CBFB: variants seen among roughly 807,000 people sequenced by gnomAD.
CBFB encodes the protein CBF-beta.
A neutral mutation model predicts 30.4 loss-of-function variants in CBFB; 9 were observed. That is an observed-to-expected ratio of 0.30 (90% CI 0.18 to 0.52). CBFB has a LOEUF of 0.52. Among genes scored for constraint, CBFB ranks in the 20% least tolerant of loss-of-function variants. The pLI, the probability that CBFB is intolerant of heterozygous loss-of-function variation, is 0.97. For synonymous variants in CBFB, 94 were observed against 84.0 expected (o/e 1.12, Z -0.65); for missense variants, 170 against 244.0 (o/e 0.70, Z 2.02).
chr16:67,029,493 AGGCG>A lies in CBFB; in HGVS notation c.78+18_78+21del, dbSNP rs753240731. On this transcript the variant is annotated intron_variant, in intron 1 of 5. Transcript: ENST00000412916. ...CTGAGCCGCGAGTGTGAGGTGAGGC[AGGCG>A]GGCGGGCGGCTAGGAGGCCGCAGCG... The A allele has an allele frequency of 7.6e-6, 12 of 1,583,910 alleles. No individual in the cohort carries two copies. In the Admixed American group the frequency reaches 1.1e-4, roughly 14 times the overall value.
At chr16:67,069,042 C>T (rs1169677941) in intron 4 of CBFB, among the ~76,000 whole-genome samples, 8 of 152,104 alleles carry the variant, frequency 5.3e-5, no homozygotes, top group Admixed American at 2.6e-4. Flanking sequence ...TGGTGAAACC[C>T]CATCTCTACT....
At chr16:67,085,038 ATATTAT>A (rs202027616) in intron 5 of CBFB, among the ~76,000 whole-genome samples, 154 of 150,310 alleles carry the variant, frequency 1.0e-3, no homozygotes, top group Non-Finnish European at 1.5e-3. Context: ...ATTATTGTTA[ATATTAT>A]TTAAAGTATT....
intron 4 of CBFB, among the ~76,000 whole-genome samples, chr16:67,078,709 T>G (rs1961473743): frequency 6.6e-6 from 1 of 152,194 alleles, no homozygotes. Flanking sequence ...AGTGCAATGG[T>G]GTGATCTTGG....
At chr16:67,039,636 T>C (rs778774425) in intron 3 of CBFB, among the ~76,000 whole-genome samples, 6 of 150,790 alleles carry the variant, frequency 4.0e-5, no homozygotes, top group Non-Finnish European at 7.3e-5. Flanking sequence ...TAAAAAGATA[T>C]GTTTTTAATT....
At position 67,096,702 on chromosome 16, in the gene CBFB, C is replaced by T. The variant is rs950130524; in HGVS notation, c.496-2008C>T. 5.3e-5 allele frequency among the ~76,000 whole-genome samples: 8 copies of T among 151,322 alleles called. No homozygotes were observed. The East Asian group carries it at 5.9e-4, about 11-fold the overall frequency. ...TATAACAATACATCTGGGCCGGGCG[C>T]GGTGGCTCACTCCTGTAATCCCAGC... On this transcript the variant is annotated intron_variant, in intron 5 of 5. Transcript: ENST00000412916.
chr16:67,085,527 C>T (rs1961701200), intron 5 of CBFB, among the ~76,000 whole-genome samples: 1 of 148,792 alleles, frequency 6.7e-6, no homozygotes, highest in Non-Finnish European at 1.5e-5. Flanking sequence ...TGGGGTCTCA[C>T]TCTGTTGCCC....
chr16:67,070,917 T>C (rs1961205298), intron 4 of CBFB, among the ~76,000 whole-genome samples: 1 of 152,216 alleles, frequency 6.6e-6, no homozygotes, highest in African/African-American at 2.4e-5. Flanking sequence ...TTTTAACATT[T>C]TTTATACTTG....
rs71145959 is a variant in CBFB, at chr16:67,095,210, CAAAAAAAAAAAAA to C, written c.496-3486_496-3474del. Among the ~76,000 whole-genome samples the C allele has an allele frequency of 1.1e-4, 3 of 27,096 alleles. No homozygotes were observed. The Admixed American group carries it at 1.5e-3, about 14-fold the overall frequency. The allele number at this position is 27,096 out of a possible 152,430, so 17.8% of individuals were successfully genotyped here. The stretch of plus-strand genomic sequence containing the variant: ...AGGCAACAAGAGCAAAAGTGTGTCT[CAAAAAAAAAAAAA>C]AAAAAAAAAAAAAGGCTGGGCACGG... On this transcript the variant is annotated intron_variant, in intron 5 of 5. Transcript: ENST00000412916.
intron 3 of CBFB, among the ~76,000 whole-genome samples, chr16:67,060,320 T>C (rs1960872104): frequency 6.6e-6 from 1 of 152,120 alleles, no homozygotes; most frequent in African/African-American, 2.4e-5. Flanking sequence ...TACCATAAAA[T>C]TCACTCTTTT....
intron 4 of CBFB, among the ~76,000 whole-genome samples, chr16:67,081,482 A>G (rs1179225238): frequency 6.6e-6 from 1 of 152,036 alleles, no homozygotes; most frequent in Non-Finnish European, 1.5e-5. Flanking sequence ...TTGATGTTTC[A>G]GAAATACTCT....
intron 5 of CBFB, among the ~76,000 whole-genome samples, chr16:67,083,194 T>TA (rs1961620485): frequency 1.3e-5 from 2 of 152,050 alleles, no homozygotes; most frequent in South Asian, 4.1e-4. Flanking sequence ...AATAAATAAA[T>TA]AATACATAAA....
intron 2 of CBFB, among the ~76,000 whole-genome samples, chr16:67,035,542 G>A (rs1220447632): frequency 6.6e-6 from 1 of 152,190 alleles, no homozygotes; most frequent in Non-Finnish European, 1.5e-5. Context: ...TACCGACAGT[G>A]CCAGTAATAG....
chr16:67,057,665 C>CT (rs1197520557), intron 3 of CBFB, among the ~76,000 whole-genome samples: 1 of 151,946 alleles, frequency 6.6e-6, no homozygotes, highest in African/African-American at 2.4e-5. Context: ...TGTTAGTGAA[C>CT]TTTTTTTCAT....
chr16:67,078,028 C>T (rs1223085685), intron 4 of CBFB, among the ~76,000 whole-genome samples: 3 of 152,198 alleles, frequency 2.0e-5, no homozygotes, highest in African/African-American at 7.2e-5. Context: ...TTATCCTACC[C>T]GAACCTGAAT....
Position 67,029,939 on chromosome 16 carries a change from C to G in CBFB, c.165+126C>G, listed in dbSNP as rs968346575. The G allele has an allele frequency of 7.3e-6, 4 of 550,084 alleles. No individual in the cohort carries two copies. The Admixed American group carries it at 1.3e-4, about 18-fold the overall frequency. 34.1% of individuals were successfully genotyped at this position (550,084 alleles called of 1,614,324 possible). A position where few individuals can be genotyped will look rare whatever the true frequency, so the allele number is the denominator to read the frequency against. On this transcript the variant is annotated intron_variant, in intron 2 of 5. Coordinates refer to ENST00000412916, the MANE Select transcript of CBFB (RefSeq NM_022845.3). ...AACTGAGTGGGCGCCGTCTCACTTC[C>G]TACTCGGGATTCAAAATGCGAAACC... is the stretch of plus-strand genomic sequence containing the variant.
At chr16:67,033,410 G>A (rs1415736229) in intron 2 of CBFB, among the ~76,000 whole-genome samples, 1 of 152,100 alleles carries the variant, frequency 6.6e-6, no homozygotes, top group Non-Finnish European at 1.5e-5. Flanking sequence ...TGCCATCTCC[G>A]TTCACTGCAA....
chr16:67,059,471 C>G (rs1159577910), intron 3 of CBFB, among the ~76,000 whole-genome samples: 3 of 152,180 alleles, frequency 2.0e-5, no homozygotes, highest in Admixed American at 2.0e-4. Context: ...AAGCAGTGGA[C>G]TTCATTAGAA....
At chr16:67,051,659 T>G (rs1187874684) in intron 3 of CBFB, among the ~76,000 whole-genome samples, 1 of 151,994 alleles carries the variant, frequency 6.6e-6, no homozygotes, top group Non-Finnish European at 1.5e-5. Flanking sequence ...GAGAAATGTC[T>G]AAATGACCAA....
chr16:67,099,704 A>AT lies in CBFB; in HGVS notation c.*933dup, dbSNP rs1054247022. ...AGGCTGGCTTCTGTTTTATTCAGGG[A>AT]TTTTTTTAAAAAGTCAATCAGAAAA... On this transcript the variant is annotated 3_prime_UTR_variant, in exon 6 of 6. Coordinates refer to ENST00000412916, the MANE Select transcript of CBFB (RefSeq NM_022845.3). 20 of 204,872 alleles carry AT rather than the reference A, an allele frequency of 9.8e-5. No homozygotes were observed. The highest frequency in any genetic ancestry group is 1.3e-4 in the Non-Finnish European group (13 of 99,890). 12.7% of individuals were successfully genotyped at this position (204,872 alleles called of 1,614,324 possible).
Sources: gnomAD v4.1 joint callset for allele counts (sites outside exome capture counted in the v4.1 genomes callset) on GRCh38, gnomAD v4.1.1 for gene constraint, MANE v1.5 for transcripts, NCBI Gene and HGNC (gene_info 2026-07-23, HGNC 2026-07-21) for gene names.